The following GRM7 variants were observed in gnomAD, a reference collection of about 807,000 sequenced individuals.
GRM7 encodes the protein metabotropic glutamate receptor 7.
In GRM7, 35 loss-of-function variants were observed where a neutral mutation model predicts 84.5. The ratio of observed to expected loss-of-function variants is 0.41; its 90% CI spans 0.32 to 0.55. The LOEUF (loss-of-function observed/expected upper bound fraction) is 0.55, where lower values mean the gene tolerates loss of function less well. Ranked by LOEUF, GRM7 falls within the 20% of genes least tolerant of loss-of-function variation. The probability of loss-of-function intolerance (pLI) is 0.19; values close to 1 mark genes in which losing one functional copy is unlikely to be tolerated. For synonymous variants in GRM7, 487 were observed against 455.1 expected (o/e 1.07, Z -0.89); for missense variants, 1,003 against 1,194.6 (o/e 0.84, Z 2.36).
intron 9 of GRM7, chr3:7,691,368 G>GCTAT (rs1416332604): frequency 1.4e-5 from 10 of 698,640 alleles, no homozygotes; most frequent in Admixed American, 1.2e-4. Flanking sequence ...CCTGGCATGT[G>GCTAT]CTATCTTTTT....
intron 4 of GRM7, among the ~76,000 whole-genome samples, chr3:7,375,059 TCTC>T: frequency 6.6e-6 from 1 of 152,218 alleles, no homozygotes; most frequent in East Asian, 1.9e-4. Context: ...TCCTAGCAGA[TCTC>T]CTTGCCTTCA....
intron 8 of GRM7, among the ~76,000 whole-genome samples, chr3:7,614,926 T>C (rs1018185819): frequency 2.0e-5 from 3 of 152,176 alleles, no homozygotes; most frequent in African/African-American, 7.2e-5. Context: ...CTCTCCACAT[T>C]TCCTCTTGAA....
intron 2 of GRM7, among the ~76,000 whole-genome samples, chr3:7,247,726 C>T (rs541217310): frequency 6.6e-6 from 1 of 151,144 alleles, no homozygotes; most frequent in Non-Finnish European, 1.5e-5. Context: ...ACAATATATA[C>T]CCCCATCTCC....
At chr3:7,238,965 T>C (rs1490978393) in intron 2 of GRM7, among the ~76,000 whole-genome samples, 1 of 150,492 alleles carries the variant, frequency 6.6e-6, no homozygotes, top group East Asian at 2.0e-4. Flanking sequence ...CCTTTTTCTT[T>C]TATTATTCTT....
chr3:7,528,086 C>A lies in GRM7; in HGVS notation c.1516-50336C>A, dbSNP rs538405262. On this transcript the variant is annotated intron_variant, in intron 7 of 9. Transcript: ENST00000357716. ...CTCCTTAATTTTGTGGTATAGTTTC[C>A]GTGGGATTGGTACCAGCTCTTCTTT... Among the ~76,000 whole-genome samples, 4 of 151,962 alleles carry A rather than the reference C, an allele frequency of 2.6e-5. No homozygotes were observed. The East Asian group carries it at 7.8e-4, about 29-fold the overall frequency.
chr3:7,275,170 T>C (rs1699008068), intron 2 of GRM7, among the ~76,000 whole-genome samples: 1 of 152,188 alleles, frequency 6.6e-6, no homozygotes. Context: ...TCTATTTATA[T>C]TACCCATCTG....
At chr3:7,365,664 TACACACACGCACACACACAC>T (rs1693856523) in intron 4 of GRM7, among the ~76,000 whole-genome samples, 1 of 144,598 alleles carries the variant, frequency 6.9e-6, no homozygotes, top group African/African-American at 2.5e-5. Flanking sequence ...TATATATATA[TACACACACGCACACACACAC>T]ACATATATAT....
intron 5 of GRM7, among the ~76,000 whole-genome samples, chr3:7,416,560 A>G (rs2125182856): frequency 6.6e-6 from 1 of 152,246 alleles, no homozygotes; most frequent in Non-Finnish European, 1.5e-5. Context: ...GGGGGTGCTT[A>G]AATGTAGTCT....
intron 2 of GRM7, among the ~76,000 whole-genome samples, chr3:7,256,436 G>A (rs1698204009): frequency 6.6e-6 from 1 of 152,138 alleles, no homozygotes; most frequent in Non-Finnish European, 1.5e-5. Context: ...GCATAGCTTG[G>A]CAGCCCACAA....
chr3:6,956,609 G>A (rs1332495145), intron 1 of GRM7: 4 of 456,380 alleles, frequency 8.8e-6, no homozygotes, highest in Admixed American at 7.1e-5. Context: ...AATCCTAAAC[G>A]TCCTTCAAAA....
intron 8 of GRM7, among the ~76,000 whole-genome samples, chr3:7,673,343 A>G (rs530732449): frequency 1.3e-5 from 2 of 152,346 alleles, no homozygotes; most frequent in African/African-American, 4.8e-5. Flanking sequence ...CCAGAATTTC[A>G]TAAGTGCATA....
intron 8 of GRM7, chr3:7,607,198 A>G (rs1696620053): frequency 1.3e-5 from 2 of 152,282 alleles, no homozygotes; most frequent in African/African-American, 4.8e-5. Context: ...ACTTCATCCT[A>G]TTACCGAGAT....
chr3:6,936,306 C>T (rs1249829873), intron 1 of GRM7, among the ~76,000 whole-genome samples: 2 of 152,166 alleles, frequency 1.3e-5, no homozygotes, highest in African/African-American at 4.8e-5. Context: ...GACACCTCCC[C>T]ATAAACAGCT....
At chr3:7,635,235 T>C (rs1440860227) in intron 8 of GRM7, among the ~76,000 whole-genome samples, 3 of 152,200 alleles carry the variant, frequency 2.0e-5, no homozygotes, top group Non-Finnish European at 4.4e-5. Context: ...ATGAGGAACT[T>C]CGAACTTTAA....
intron 7 of GRM7, among the ~76,000 whole-genome samples, chr3:7,480,036 G>T (rs1699070368): frequency 1.3e-5 from 2 of 152,142 alleles, no homozygotes; most frequent in Non-Finnish European, 2.9e-5. Flanking sequence ...AGACAAAGAT[G>T]CAGTCATTAG....
At chr3:7,208,900 T>A (rs1389916781) in intron 2 of GRM7, among the ~76,000 whole-genome samples, 2 of 152,168 alleles carry the variant, frequency 1.3e-5, no homozygotes, top group Admixed American at 1.3e-4. Context: ...AAGAGCATAG[T>A]TGAATGTACC....
At chr3:7,037,720 T>C (rs1696435098) in intron 1 of GRM7, among the ~76,000 whole-genome samples, 2 of 152,168 alleles carry the variant, frequency 1.3e-5, no homozygotes, top group Admixed American at 1.3e-4. Context: ...GGAAAATATA[T>C]TTGGTACAAA....
At chr3:7,165,344 A>C (rs1372022325) in intron 2 of GRM7, among the ~76,000 whole-genome samples, 1 of 152,222 alleles carries the variant, frequency 6.6e-6, no homozygotes, top group Non-Finnish European at 1.5e-5. Context: ...TGGGCTGTGT[A>C]TGATACAGGG....
intron 8 of GRM7, among the ~76,000 whole-genome samples, chr3:7,600,666 A>G (rs1696266482): frequency 6.6e-6 from 1 of 152,144 alleles, no homozygotes; most frequent in Non-Finnish European, 1.5e-5. Context: ...TCCTTAATGT[A>G]TGCCTTTAAA....
Sources: allele counts gnomAD v4.1 joint callset (sites outside exome capture counted in the v4.1 genomes callset), GRCh38; gene constraint gnomAD v4.1.1; transcripts MANE v1.5; gene names NCBI Gene and HGNC (gene_info 2026-07-23, HGNC 2026-07-21).